The following NCOA1 variants were observed in gnomAD, a reference collection of about 807,000 sequenced individuals.
NCOA1 encodes the protein nuclear receptor coactivator 1.
NCOA1 carries 35 observed loss-of-function variants against 150.9 expected under a neutral mutation model. That is an observed-to-expected ratio of 0.23 (90% CI 0.18 to 0.31). NCOA1 has a LOEUF of 0.31. Ranked by LOEUF, NCOA1 falls within the 10% of genes least tolerant of loss-of-function variation. The pLI, the probability that NCOA1 is intolerant of heterozygous loss-of-function variation, is 1.00. For synonymous variants in NCOA1, 590 were observed against 630.0 expected (o/e 0.94, Z 0.95); for missense variants, 1,491 against 1,749.3 (o/e 0.85, Z 2.63).
intron 4 of NCOA1, among the ~76,000 whole-genome samples, chr2:24,646,330 G>A (rs973248398): frequency 6.6e-6 from 1 of 152,084 alleles, no homozygotes; most frequent in African/African-American, 2.4e-5. Context: ...TTGAGAAAAA[G>A]TGGTAGACAA....
At chr2:24,656,085 C>G (rs1670933481) in intron 4 of NCOA1, among the ~76,000 whole-genome samples, 1 of 112,598 alleles carries the variant, frequency 8.9e-6, no homozygotes, top group African/African-American at 3.7e-5. Flanking sequence ...GAGACTCCGT[C>G]TCAAAAAAAA....
At chr2:24,634,711 C>G (rs111972788) in intron 3 of NCOA1, among the ~76,000 whole-genome samples, 1 of 101,596 alleles carries the variant, frequency 9.8e-6, no homozygotes, top group Non-Finnish European at 2.1e-5. Context: ...GGGAGGAACC[C>G]CCCCCCCCCC....
rs1380008347 is a variant in NCOA1 at position 24,491,440 on chromosome 2, G to A, written c.-558G>A. 1.8e-5 allele frequency among the ~76,000 whole-genome samples: 1 copy of A among 57,076 alleles called. No individual in the cohort carries two copies. Among genetic ancestry groups the A allele is most frequent in the African/African-American group, 4.0e-5 (1 of 24,814 alleles). 37.4% of individuals were successfully genotyped at this position (57,076 alleles called of 152,430 possible). A position where few individuals can be genotyped will look rare whatever the true frequency, so the allele number is the denominator to read the frequency against. On this transcript the variant is annotated 5_prime_UTR_variant, in exon 1 of 23. Coordinates refer to ENST00000348332, the MANE Select transcript of NCOA1 (RefSeq NM_003743.5). ...GCTCCCTCGAGCGGAGCCTGCGTCAGGTTCCCTCTGCATCCCCCTGCGGGG... is the reference window on the plus strand; with the variant it reads ...GCTCCCTCGAGCGGAGCCTGCGTCAAGTTCCCTCTGCATCCCCCTGCGGGG...
intron 3 of NCOA1, among the ~76,000 whole-genome samples, chr2:24,643,317 T>C (rs895664194): frequency 6.6e-6 from 1 of 152,202 alleles, no homozygotes; most frequent in African/African-American, 2.4e-5. Context: ...TAAGTGTGTA[T>C]CTCACCCAGT....
chr2:24,635,066 T>G (rs1301391530), intron 3 of NCOA1, among the ~76,000 whole-genome samples: 1 of 152,106 alleles, frequency 6.6e-6, no homozygotes, highest in Non-Finnish European at 1.5e-5. Context: ...CAGATGATCA[T>G]GTAATAACCA....
intron 17 of NCOA1, among the ~76,000 whole-genome samples, chr2:24,738,307 T>A: frequency 6.6e-6 from 1 of 151,660 alleles, no homozygotes; most frequent in South Asian, 2.1e-4. Flanking sequence ...ATAATTTGTG[T>A]TTTACAAAGT....
At chr2:24,738,108 C>T (rs1316913414) in intron 17 of NCOA1, among the ~76,000 whole-genome samples, 2 of 151,912 alleles carry the variant, frequency 1.3e-5, no homozygotes, top group Non-Finnish European at 2.9e-5. Flanking sequence ...ATGAGCTTTT[C>T]CCCAAAATTG....
chr2:24,602,143 A>T (rs1409782125), intron 3 of NCOA1, among the ~76,000 whole-genome samples: 31 of 152,192 alleles, frequency 2.0e-4, no homozygotes, highest in Admixed American at 2.0e-3. Context: ...CAATTTGCTG[A>T]CAAGTCATGT....
chr2:24,650,881 A>G (rs1011537061), intron 4 of NCOA1, among the ~76,000 whole-genome samples: 1 of 152,164 alleles, frequency 6.6e-6, no homozygotes, highest in Non-Finnish European at 1.5e-5. Context: ...GAATATTTGC[A>G]TTATACTTAC....
chr2:24,665,285 TAA>T (rs1320226673), intron 5 of NCOA1, among the ~76,000 whole-genome samples: 1 of 152,208 alleles, frequency 6.6e-6, no homozygotes, highest in Non-Finnish European at 1.5e-5. Flanking sequence ...TCATAAGAAT[TAA>T]GAGTTTATCA....
chr2:24,557,218 A>T (rs1313633972), intron 1 of NCOA1, among the ~76,000 whole-genome samples: 1 of 152,012 alleles, frequency 6.6e-6, no homozygotes, highest in Non-Finnish European at 1.5e-5. Flanking sequence ...TCTAGAGTTT[A>T]AAAGATATAT....
intron 19 of NCOA1, among the ~76,000 whole-genome samples, chr2:24,749,438 G>A (rs1664108835): frequency 6.6e-6 from 1 of 152,214 alleles, no homozygotes; most frequent in Non-Finnish European, 1.5e-5. Flanking sequence ...ATGCGTGTTT[G>A]TGTGTACAAA....
intron 1 of NCOA1, among the ~76,000 whole-genome samples, chr2:24,525,226 C>T (rs1001805990): frequency 6.6e-6 from 1 of 152,198 alleles, no homozygotes; most frequent in African/African-American, 2.4e-5. Context: ...CTTACTTGCT[C>T]TGAACTCATT....
chr2:24,722,845 C>G (rs1182880422), intron 14 of NCOA1, among the ~76,000 whole-genome samples: 1 of 151,594 alleles, frequency 6.6e-6, no homozygotes, highest in Non-Finnish European at 1.5e-5. Flanking sequence ...CAAAAATTAG[C>G]CAGGCATGGT....
chr2:24,492,354 TC>T (rs1663009746), intron 1 of NCOA1, among the ~76,000 whole-genome samples: 1 of 152,140 alleles, frequency 6.6e-6, no homozygotes, highest in Non-Finnish European at 1.5e-5. Flanking sequence ...CGCTCTCTAG[TC>T]CCTTGTAAAA....
At chr2:24,666,763 G>A (rs1671450791) in intron 6 of NCOA1, among the ~76,000 whole-genome samples, 1 of 152,014 alleles carries the variant, frequency 6.6e-6, no homozygotes, top group Non-Finnish European at 1.5e-5. Flanking sequence ...CTCCCAAGTA[G>A]CTGGGATTAC....
chr2:24,638,963 C>A lies in NCOA1; in HGVS notation c.-174-5003C>A, dbSNP rs548525117. On this transcript the variant is annotated intron_variant, in intron 3 of 22. Transcript: ENST00000348332. Reference sequence around the variant, plus strand: ...ATCAGCCTTACATTCCTCGGATATACCACTTGATAATAGTCTATTCTTAAA... The same window carrying A: ...ATCAGCCTTACATTCCTCGGATATAACACTTGATAATAGTCTATTCTTAAA... Among the ~76,000 whole-genome samples, 128 of 152,168 alleles carry A rather than the reference C, an allele frequency of 8.4e-4. 1 individual carries two copies. The South Asian group carries it at 0.025, about 30-fold the overall frequency.
At chr2:24,679,521 A>G (rs1672067902) in intron 7 of NCOA1, among the ~76,000 whole-genome samples, 1 of 152,214 alleles carries the variant, frequency 6.6e-6, no homozygotes, top group African/African-American at 2.4e-5. Flanking sequence ...GTATATATTT[A>G]TAATACAAAG....
intron 3 of NCOA1, among the ~76,000 whole-genome samples, chr2:24,636,692 G>A (rs1235575496): frequency 4.6e-5 from 7 of 151,936 alleles, no homozygotes; most frequent in African/African-American, 1.7e-4. Context: ...TGACTTGAAC[G>A]CAGTATTATG....
Sources: allele counts gnomAD v4.1 joint callset (sites outside exome capture counted in the v4.1 genomes callset), GRCh38; gene constraint gnomAD v4.1.1; transcripts MANE v1.5; gene names NCBI Gene and HGNC (gene_info 2026-07-23, HGNC 2026-07-21).